Variants in FSTL5 observed in about 807,000 individuals in gnomAD.
The protein encoded by FSTL5 is follistatin like 5.
A neutral mutation model predicts 89.1 loss-of-function variants in FSTL5; 62 were observed. The ratio of observed to expected loss-of-function variants is 0.70; its 90% CI spans 0.57 to 0.86. The LOEUF (loss-of-function observed/expected upper bound fraction) is 0.86. FSTL5 is among the 40% of genes least tolerant of loss of function. The pLI is 0.00. For synonymous variants in FSTL5, 383 were observed against 346.2 expected (o/e 1.11, Z -1.18); for missense variants, 1,057 against 1,001.6 (o/e 1.06, Z -0.75).
At chr4:161,620,929 A>G (rs1219235952) in intron 7 of FSTL5, among the ~76,000 whole-genome samples, 2 of 152,178 alleles carry the variant, frequency 1.3e-5, no homozygotes, top group African/African-American at 4.8e-5. Flanking sequence ...AAATAGATTC[A>G]TAATCATAAT....
chr4:161,643,816 T>G lies in FSTL5; in HGVS notation c.894+12512A>C, dbSNP rs891927072. On this transcript the variant is annotated intron_variant, in intron 7 of 15. Coordinates refer to ENST00000306100, the MANE Select transcript of FSTL5 (RefSeq NM_020116.5). ...ATCAGTTGATTGATAATTCTGCATGTGGCTACTGTAAGAAAATAAAATCTT... is the reference window on the plus strand; with the variant it reads ...ATCAGTTGATTGATAATTCTGCATGGGGCTACTGTAAGAAAATAAAATCTT... 2.4e-4 allele frequency among the ~76,000 whole-genome samples: 37 copies of G among 152,332 alleles called. 1 individual carries two copies. Among genetic ancestry groups the G allele is most frequent in the Admixed American group, 2.4e-3 (36 of 15,294 alleles).
intron 1 of FSTL5, among the ~76,000 whole-genome samples, chr4:162,155,149 T>G (rs1448520499): frequency 6.6e-6 from 1 of 152,198 alleles, no homozygotes; most frequent in Non-Finnish European, 1.5e-5. Context: ...CTATTGCTCT[T>G]GTAGTCACAT....
At chr4:162,032,603 C>G (rs149400826) in intron 3 of FSTL5, 1 of 152,042 alleles carries the variant, frequency 6.6e-6, no homozygotes, top group Non-Finnish European at 1.5e-5. Flanking sequence ...GATGACCCAA[C>G]ATGGAAAATA....
intron 3 of FSTL5, among the ~76,000 whole-genome samples, chr4:162,031,740 G>C (rs1354717078): frequency 6.6e-6 from 1 of 151,972 alleles, no homozygotes; most frequent in African/African-American, 2.4e-5. Context: ...GATCGAGACC[G>C]TCCTGGCCAA....
chr4:161,812,455 T>C (rs1282539945), intron 4 of FSTL5, among the ~76,000 whole-genome samples: 3 of 152,142 alleles, frequency 2.0e-5, no homozygotes, highest in African/African-American at 4.8e-5. Flanking sequence ...TGTTCAGTTG[T>C]GTGACTTTGT....
chr4:161,688,938 T>G (rs1360007382), intron 6 of FSTL5, among the ~76,000 whole-genome samples: 1 of 152,196 alleles, frequency 6.6e-6, no homozygotes, highest in Non-Finnish European at 1.5e-5. Flanking sequence ...TGTTTCTTAC[T>G]GATTTTATTA....
intron 13 of FSTL5, among the ~76,000 whole-genome samples, chr4:161,476,915 T>C (rs1734172027): frequency 1.3e-5 from 2 of 152,182 alleles, no homozygotes; most frequent in Non-Finnish European, 2.9e-5. Context: ...TTGCTTACCC[T>C]GGCTCCTGCA....
intron 6 of FSTL5, among the ~76,000 whole-genome samples, chr4:161,693,404 T>A (rs937939861): frequency 2.0e-5 from 3 of 152,082 alleles, no homozygotes; most frequent in Admixed American, 6.6e-5. Context: ...CTGGGGAGAA[T>A]TTTTCTTTTA....
Position 162,100,236 on chromosome 4 carries a change from C to T in FSTL5, c.126+11035G>A, listed in dbSNP as rs1215366294. On this transcript the variant is annotated intron_variant, in intron 2 of 15. Coordinates refer to ENST00000306100, the MANE Select transcript of FSTL5 (RefSeq NM_020116.5). ...TCAGAAAATGGAGTATTATTCAGCA[C>T]TAAAAATCAATGAGCTATTGCACTA... Among the ~76,000 whole-genome samples the T allele has an allele frequency of 5.3e-5, 8 of 152,190 alleles. No homozygotes were observed. The South Asian group carries it at 1.7e-3, about 32-fold the overall frequency.
intron 7 of FSTL5, among the ~76,000 whole-genome samples, chr4:161,617,517 C>T (rs1165678681): frequency 2.6e-5 from 4 of 152,032 alleles, no homozygotes; most frequent in Non-Finnish European, 4.4e-5. Context: ...ACCTAAGAAG[C>T]TGAAGAAAAT....
At chr4:161,937,063 C>G (rs982464313) in intron 3 of FSTL5, among the ~76,000 whole-genome samples, 1 of 152,000 alleles carries the variant, frequency 6.6e-6, no homozygotes, top group Non-Finnish European at 1.5e-5. Context: ...TGAGTAAACC[C>G]TCTAACATGA....
At chr4:162,153,718 A>ATATATAT (rs1488027974) in intron 1 of FSTL5, among the ~76,000 whole-genome samples, 4 of 133,854 alleles carry the variant, frequency 3.0e-5, no homozygotes, top group Non-Finnish European at 6.3e-5. Context: ...ATATGTATAT[A>ATATATAT]ATAATATATG....
At chr4:161,416,182 G>C (rs1388359832) in intron 15 of FSTL5, among the ~76,000 whole-genome samples, 1 of 152,136 alleles carries the variant, frequency 6.6e-6, no homozygotes, top group Non-Finnish European at 1.5e-5. Flanking sequence ...CCATGTGATA[G>C]AAGGGTCACC....
At chr4:161,699,884 A>T (rs1412085419) in intron 6 of FSTL5, among the ~76,000 whole-genome samples, 4 of 152,158 alleles carry the variant, frequency 2.6e-5, no homozygotes, top group Non-Finnish European at 4.4e-5. Flanking sequence ...TTTATGTTCC[A>T]TGTTGTTTTT....
At chr4:162,066,154 G>A (rs903222546) in intron 2 of FSTL5, among the ~76,000 whole-genome samples, 3 of 151,682 alleles carry the variant, frequency 2.0e-5, no homozygotes, top group Non-Finnish European at 2.9e-5. Context: ...TCTGTTATTT[G>A]ATTCTTTTCC....
At position 161,882,666 on chromosome 4, in the gene FSTL5, C is replaced by T. The variant is rs1328584949; in HGVS notation, c.409+37738G>A. Among the ~76,000 whole-genome samples the T allele has an allele frequency of 2.0e-5, 3 of 151,882 alleles. No individual in the cohort carries two copies. In the East Asian group the frequency reaches 5.8e-4, roughly 29 times the overall value. ...AAGGATAATACATCTAGAGTATGTTCCATTTAAATGGATTTTAAAAACTAA... is the reference window on the plus strand; with the variant it reads ...AAGGATAATACATCTAGAGTATGTTTCATTTAAATGGATTTTAAAAACTAA... On this transcript the variant is annotated intron_variant, in intron 4 of 15. Coordinates refer to ENST00000306100, the MANE Select transcript of FSTL5 (RefSeq NM_020116.5).
intron 3 of FSTL5, among the ~76,000 whole-genome samples, chr4:161,947,941 C>T (rs145235755): frequency 9.2e-4 from 140 of 151,956 alleles, no homozygotes; most frequent in African/African-American, 3.0e-3. Flanking sequence ...ATGTTAAAGC[C>T]ATTTTAAATG....
At position 161,549,488 on chromosome 4, in the gene FSTL5, T is replaced by C. The variant is rs551956024; in HGVS notation, c.1016-6795A>G. Among the ~76,000 whole-genome samples, 3 of 151,992 alleles carry C rather than the reference T, an allele frequency of 2.0e-5. No individual in the cohort carries two copies. In the South Asian group the frequency reaches 6.2e-4, roughly 32 times the overall value. On this transcript the variant is annotated intron_variant, in intron 8 of 15. Coordinates refer to ENST00000306100, the MANE Select transcript of FSTL5 (RefSeq NM_020116.5). ...GGTGACTTGTGTAATGAAGACCATG[T>C]GGAAGAGTTCCACAGGATGTATGTT...
chr4:161,646,625 AATT>A (rs1736163988), intron 7 of FSTL5, among the ~76,000 whole-genome samples: 1 of 152,130 alleles, frequency 6.6e-6, no homozygotes, highest in Non-Finnish European at 1.5e-5. Context: ...ACAAACAAAA[AATT>A]ATTATGGCAA....
Sources: allele counts gnomAD v4.1 joint callset (sites outside exome capture counted in the v4.1 genomes callset), GRCh38; gene constraint gnomAD v4.1.1; transcripts MANE v1.5; gene names NCBI Gene and HGNC (gene_info 2026-07-23, HGNC 2026-07-21).